Variants in SH3BGRL2 observed in about 807,000 individuals in gnomAD.
SH3BGRL2 encodes the protein SH3 domain binding glutamate rich protein like 2, also known as SH3 domain-binding glutamic acid-rich-like protein 2.
A neutral mutation model predicts 14.8 loss-of-function variants in SH3BGRL2; 21 were observed. That is an observed-to-expected ratio of 1.42 (90% CI 1.01 to 2.05). The LOEUF (loss-of-function observed/expected upper bound fraction) is 2.05, where lower values mean the gene tolerates loss of function less well. Ranked by LOEUF, SH3BGRL2 falls within the 30% of genes most tolerant of loss-of-function variation. SH3BGRL2 has a pLI of 0.00. For synonymous variants in SH3BGRL2, 50 were observed against 47.8 expected (o/e 1.05, Z -0.19); for missense variants, 147 against 130.8 (o/e 1.12, Z -0.61).
At chr6:79,681,232 A>G (rs1366316903) in intron 2 of SH3BGRL2, among the ~76,000 whole-genome samples, 1 of 152,230 alleles carries the variant, frequency 6.6e-6, no homozygotes, top group Admixed American at 6.5e-5. Context: ...CTTAGCTGAG[A>G]GACAGATGGC....
chr6:79,642,228 TA>T (rs1769047255), intron 1 of SH3BGRL2, among the ~76,000 whole-genome samples: 1 of 152,222 alleles, frequency 6.6e-6, no homozygotes, highest in African/African-American at 2.4e-5. Flanking sequence ...CTTCATTCCC[TA>T]AATAATATAG....
the SH3BGRL2 span, among the ~76,000 whole-genome samples, chr6:79,566,655 C>T: frequency 2.0e-5 from 3 of 151,986 alleles, no homozygotes; most frequent in Non-Finnish European, 2.9e-5. Flanking sequence ...ATATCTAGAA[C>T]AGGGCCGGGT....
At chr6:79,598,162 C>T in the SH3BGRL2 span, among the ~76,000 whole-genome samples, 2 of 152,140 alleles carry the variant, frequency 1.3e-5, no homozygotes, top group Non-Finnish European at 2.9e-5. Context: ...AATGGTGCAG[C>T]GACTTTGGAA....
chr6:79,658,841 G>T (rs1263488635), intron 1 of SH3BGRL2, among the ~76,000 whole-genome samples: 1 of 152,128 alleles, frequency 6.6e-6, no homozygotes, highest in Non-Finnish European at 1.5e-5. Context: ...ATTCTAACTG[G>T]CGTGAGATGG....
chr6:79,696,633 G>GT lies in SH3BGRL2; in HGVS notation c.312+69dup, dbSNP rs1390438922. 7.7e-5 allele frequency: 93 copies of GT among 1,213,010 alleles called. No individual in the cohort carries two copies. The South Asian group carries it at 9.9e-4, about 13-fold the overall frequency. 75.1% of individuals were successfully genotyped at this position (1,213,010 alleles called of 1,614,324 possible). On this transcript the variant is annotated intron_variant, in intron 3 of 3. Transcript: ENST00000369838. ...TTTGAATTTTTCTTAGAGATGTAGA[G>GT]TGACGGTGTTAGAGGAATGCATATA...
chr6:79,553,419 A>C, the SH3BGRL2 span, among the ~76,000 whole-genome samples: 1 of 152,250 alleles, frequency 6.6e-6, no homozygotes, highest in Non-Finnish European at 1.5e-5. Flanking sequence ...TCATCATCTC[A>C]ATAAAAATAA....
chr6:79,569,141 A>G, the SH3BGRL2 span, among the ~76,000 whole-genome samples: 3 of 152,316 alleles, frequency 2.0e-5, no homozygotes, highest in East Asian at 3.9e-4. Flanking sequence ...TTCTGTCCAG[A>G]AAGGTGGGAC....
the SH3BGRL2 span, among the ~76,000 whole-genome samples, chr6:79,610,480 A>G: frequency 6.6e-6 from 1 of 152,226 alleles, no homozygotes; most frequent in African/African-American, 2.4e-5. Flanking sequence ...TCTTATCTTC[A>G]TAAATGCTCA....
rs893271050 is a variant in SH3BGRL2 at position 79,668,904 on chromosome 6, A to G, written c.46-4710A>G. ...CTTCTGAATTATTTCGGCTATGTACAGTTAGATGTAGCATCCTAAGCACAA... is the reference window on the plus strand; with the variant it reads ...CTTCTGAATTATTTCGGCTATGTACGGTTAGATGTAGCATCCTAAGCACAA... On this transcript the variant is annotated intron_variant, in intron 1 of 3. Coordinates refer to ENST00000369838, the MANE Select transcript of SH3BGRL2 (RefSeq NM_031469.4). Among the ~76,000 whole-genome samples the G allele has an allele frequency of 4.6e-5, 7 of 152,330 alleles. 1 individual carries two copies. The South Asian group carries it at 1.5e-3, about 32-fold the overall frequency.
the SH3BGRL2 span, among the ~76,000 whole-genome samples, chr6:79,619,326 G>T: frequency 1.3e-5 from 2 of 149,986 alleles, no homozygotes; most frequent in African/African-American, 2.5e-5. Flanking sequence ...TCTGTGCTTT[G>T]TTTTTTTTTC....
the SH3BGRL2 span, among the ~76,000 whole-genome samples, chr6:79,556,173 T>TA: frequency 6.6e-6 from 1 of 152,146 alleles, no homozygotes; most frequent in Non-Finnish European, 1.5e-5. Context: ...TGAAAGATGT[T>TA]ACACTCAAAA....
At chr6:79,596,480 A>G in the SH3BGRL2 span, among the ~76,000 whole-genome samples, 2 of 152,186 alleles carry the variant, frequency 1.3e-5, no homozygotes, top group African/African-American at 2.4e-5. Context: ...TTTTTTGTAG[A>G]GATAGGTTCT....
chr6:79,558,883 G>T, the SH3BGRL2 span, among the ~76,000 whole-genome samples: 1 of 151,998 alleles, frequency 6.6e-6, no homozygotes, highest in Non-Finnish European at 1.5e-5. Flanking sequence ...ATTTGAATAT[G>T]CCAGAAAGTA....
the SH3BGRL2 span, among the ~76,000 whole-genome samples, chr6:79,603,568 A>G: frequency 6.6e-6 from 1 of 152,186 alleles, no homozygotes; most frequent in South Asian, 2.1e-4. Flanking sequence ...AGGTGAGAAT[A>G]TTCTAAACTG....
At chr6:79,617,199 GAAAA>G in the SH3BGRL2 span, among the ~76,000 whole-genome samples, 4 of 149,086 alleles carry the variant, frequency 2.7e-5, no homozygotes, top group East Asian at 2.0e-4. Flanking sequence ...ACAAAAAAAA[GAAAA>G]AAAAAAGAAA....
At chr6:79,583,740 C>T in the SH3BGRL2 span, among the ~76,000 whole-genome samples, 1 of 152,198 alleles carries the variant, frequency 6.6e-6, no homozygotes, top group Non-Finnish European at 1.5e-5. Context: ...TGTATGAAAC[C>T]TGCACGTTGT....
At chr6:79,608,969 C>T in the SH3BGRL2 span, among the ~76,000 whole-genome samples, 5 of 152,184 alleles carry the variant, frequency 3.3e-5, no homozygotes, top group Admixed American at 2.6e-4. Context: ...ACTAATCCTT[C>T]CACACCCTGC....
chr6:79,573,159 G>A, the SH3BGRL2 span, among the ~76,000 whole-genome samples: 5 of 152,078 alleles, frequency 3.3e-5, no homozygotes, highest in African/African-American at 4.8e-5. Context: ...TTTACTTGAG[G>A]CAGATTTTGT....
the SH3BGRL2 span, among the ~76,000 whole-genome samples, chr6:79,618,588 C>G: frequency 2.0e-5 from 3 of 151,758 alleles, no homozygotes; most frequent in Non-Finnish European, 2.9e-5. Flanking sequence ...CACCTGGAAT[C>G]CCAGCTACTC....
Sources: allele counts gnomAD v4.1 joint callset (sites outside exome capture counted in the v4.1 genomes callset), GRCh38; gene constraint gnomAD v4.1.1; transcripts MANE v1.5; gene names NCBI Gene and HGNC (gene_info 2026-07-23, HGNC 2026-07-21).